Variants in SEPTIN9 observed in about 807,000 individuals in gnomAD.
SEPTIN9 encodes the protein septin 9.
SEPTIN9 carries 13 observed loss-of-function variants against 56.6 expected under a neutral mutation model. The observed-to-expected ratio is 0.23, with a 90% CI of 0.15 to 0.37. The LOEUF (loss-of-function observed/expected upper bound fraction) is 0.37, where lower values mean the gene tolerates loss of function less well. Among genes scored for constraint, SEPTIN9 ranks in the 10% least tolerant of loss-of-function variants. The pLI, the probability that SEPTIN9 is intolerant of heterozygous loss-of-function variation, is 1.00. For missense variants in SEPTIN9, 650 were observed against 823.1 expected (o/e 0.79, Z 2.57); for synonymous variants, 332 against 334.1 (o/e 0.99, Z 0.07).
chr17:77,466,329 G>C (rs547689622), intron 3 of SEPTIN9: 20 of 953,156 alleles, frequency 2.1e-5, no homozygotes, highest in Non-Finnish European at 2.4e-5. Flanking sequence ...GGTCAGGCCC[G>C]GGCCAGGCCC....
rs374020168 is a variant in SEPTIN9, at chr17:77,347,378, CAA to C, written c.76+40195_76+40196del. On this transcript the variant is annotated intron_variant, in intron 2 of 11. Transcript: ENST00000427177. Reference sequence around the variant, plus strand: ...GGGCAACAAGAGTGAAACTCCGTCTCAAAAAAAAAAAAAAAGAGTCTCCACCT... The same window carrying C: ...GGGCAACAAGAGTGAAACTCCGTCTCAAAAAAAAAAAAAGAGTCTCCACCT... Among the ~76,000 whole-genome samples the C allele has an allele frequency of 1.1e-3, 113 of 105,794 alleles. No individual in the cohort carries two copies. The East Asian group carries it at 0.026, about 25-fold the overall frequency. 69.4% of individuals were successfully genotyped at this position (105,794 alleles called of 152,430 possible).
intron 1 of SEPTIN9, among the ~76,000 whole-genome samples, chr17:77,282,622 A>T (rs567374790): frequency 6.6e-5 from 10 of 151,088 alleles, no homozygotes; most frequent in Admixed American, 1.3e-4. Context: ...ACCTTGTCTC[A>T]AAGAGGATTA....
intron 3 of SEPTIN9, among the ~76,000 whole-genome samples, chr17:77,439,519 C>T (rs1012529618): frequency 6.6e-6 from 1 of 152,190 alleles, no homozygotes; most frequent in Non-Finnish European, 1.5e-5. Context: ...TGGGCGTCCC[C>T]ACCTTGCCGC....
At chr17:77,370,305 A>G (rs1008235128) in intron 2 of SEPTIN9, among the ~76,000 whole-genome samples, 53 of 152,204 alleles carry the variant, frequency 3.5e-4, no homozygotes, top group Non-Finnish European at 6.5e-4. Context: ...TGGTGGCCCC[A>G]GGTGTTCCTT....
chr17:77,460,369 C>T (rs1375005118), intron 3 of SEPTIN9, among the ~76,000 whole-genome samples: 1 of 152,148 alleles, frequency 6.6e-6, no homozygotes, highest in Non-Finnish European at 1.5e-5. Context: ...CACCGTGGTG[C>T]TCCCCGAGGA....
In SEPTIN9 at chr17:77,425,027, G is replaced by T. The variant is rs528586959; in HGVS notation, c.721+22324G>T. On this transcript the variant is annotated intron_variant, in intron 3 of 11. Transcript: ENST00000427177. The surrounding 1 kb of genome is among the most constrained non-coding windows in gnomAD (Gnocchi z 4.2). ...GACTTACGCATAGTTGGGCGAAGTC[G>T]AGTGACCACATGTGGAAGTCTAGCG... 1.5e-4 allele frequency among the ~76,000 whole-genome samples: 23 copies of T among 152,326 alleles called. No homozygotes were observed. In the South Asian group the frequency reaches 4.3e-3, roughly 29 times the overall value.
chr17:77,497,173 G>T (rs933654864), intron 10 of SEPTIN9, 142 bp from the exon 11 acceptor site: 2 of 789,056 alleles, frequency 2.5e-6, no homozygotes, highest in African/African-American at 1.7e-5. Context: ...TGCAGAGCAG[G>T]TGGTTCCCCT....
intron 4 of SEPTIN9, among the ~76,000 whole-genome samples, chr17:77,484,384 T>G (rs2039585809): frequency 6.8e-6 from 1 of 146,920 alleles, no homozygotes; most frequent in African/African-American, 2.6e-5. Flanking sequence ...GGGATGGTGG[T>G]GGTGGTGATG....
At chr17:77,497,175 G>T in intron 10 of SEPTIN9, 140 bp from the exon 11 acceptor site, 1 of 801,428 alleles carries the variant, frequency 1.2e-6, no homozygotes, top group Non-Finnish European at 2.2e-6. Flanking sequence ...CAGAGCAGGT[G>T]GTTCCCCTGC....
At chr17:77,419,054 C>T (rs113493438) in intron 3 of SEPTIN9, among the ~76,000 whole-genome samples, 3 of 152,350 alleles carry the variant, frequency 2.0e-5, no homozygotes, top group African/African-American at 7.2e-5. Context: ...CTTCCTCTAG[C>T]AGCCTGCCCT....
At chr17:77,386,434 C>T (rs1236986094) in intron 2 of SEPTIN9, among the ~76,000 whole-genome samples, 1 of 152,180 alleles carries the variant, frequency 6.6e-6, no homozygotes, top group African/African-American at 2.4e-5. Context: ...GATTGGCAGG[C>T]CAGGCTCCCG....
chr17:77,419,519 G>A (rs573790880), intron 3 of SEPTIN9, among the ~76,000 whole-genome samples: 2 of 152,124 alleles, frequency 1.3e-5, no homozygotes, highest in Non-Finnish European at 2.9e-5. Flanking sequence ...CTGTACCTGC[G>A]ACCCAGCTGA....
rs376473706 is a variant in SEPTIN9, at chr17:77,402,455, A to G, written c.473A>G (p.Gln158Arg). The G allele has an allele frequency of 1.1e-5, 18 of 1,609,854 alleles. No individual in the cohort carries two copies. Among genetic ancestry groups the G allele is most frequent in the Non-Finnish European group, 1.4e-5 (17 of 1,178,528 alleles). Residue 158 changes from glutamine to arginine, a missense_variant, in exon 3 of 12, where the codon CAG (glutamine) becomes CGG (arginine). By Grantham distance (43) the Gln-to-Arg change is conservative (BLOSUM62 1). This residue lies in a region of SEPTIN9 where 317 missense variants were observed against 329.1 expected (regional missense o/e 0.96). Coordinates refer to ENST00000427177, the MANE Select transcript of SEPTIN9 (RefSeq NM_001113491.2). This position sits in a 1 kb window ranked among gnomAD's most constrained non-coding sequence, Gnocchi z 6.6. The part of the protein sequence containing the change: ...RRTEITIVKP[Q>R]ESAHRRMEPP... ...ACGGAGATCACCATCGTCAAACCCCAGGAGTCAGCCCACCGGAGGATGGAG... is the reference window on the plus strand; with the variant it reads ...ACGGAGATCACCATCGTCAAACCCCGGGAGTCAGCCCACCGGAGGATGGAG...
chr17:77,379,224 T>TGG (rs1192262950), intron 2 of SEPTIN9, among the ~76,000 whole-genome samples: 1 of 151,736 alleles, frequency 6.6e-6, no homozygotes, highest in African/African-American at 2.4e-5. Flanking sequence ...CCCATACCCC[T>TGG]ACACTGGGCC....
At chr17:77,478,055 G>C (rs2039298994) in intron 3 of SEPTIN9, among the ~76,000 whole-genome samples, 1 of 151,912 alleles carries the variant, frequency 6.6e-6, no homozygotes, top group African/African-American at 2.4e-5. Flanking sequence ...ACAAGCAGGA[G>C]TGTGAAATTT....
intron 3 of SEPTIN9, among the ~76,000 whole-genome samples, chr17:77,403,245 G>A (rs1183804657): frequency 6.6e-6 from 1 of 152,174 alleles, no homozygotes; most frequent in East Asian, 1.9e-4. Context: ...CCATGGTCTG[G>A]TCCTCCTCCC....
In SEPTIN9 at chr17:77,353,142, A is replaced by G. The variant is rs2034116607; in HGVS notation, c.76+45945A>G. On this transcript the variant is annotated intron_variant, in intron 2 of 11. Transcript: ENST00000427177. ...AACCCACAATGGGTCTCACCCACAG[A>G]ACGAACGGCCTCTCCAGGGTGTGCG... Among the ~76,000 whole-genome samples the G allele has an allele frequency of 3.9e-5, 6 of 152,280 alleles. 1 individual carries two copies. The South Asian group carries it at 1.2e-3, about 32-fold the overall frequency.
At chr17:77,480,351 C>G (rs2039405755) in intron 3 of SEPTIN9, among the ~76,000 whole-genome samples, 1 of 152,222 alleles carries the variant, frequency 6.6e-6, no homozygotes, top group Non-Finnish European at 1.5e-5. Flanking sequence ...GGGAGCCTCC[C>G]TCCGACACCC....
chr17:77,416,778 T>A (rs979620662), intron 3 of SEPTIN9, among the ~76,000 whole-genome samples: 7 of 152,232 alleles, frequency 4.6e-5, no homozygotes, highest in African/African-American at 1.7e-4. Flanking sequence ...GCAGAGCACC[T>A]GGATGGCCAG....
Sources: allele counts gnomAD v4.1 joint callset (sites outside exome capture counted in the v4.1 genomes callset), GRCh38; gene constraint gnomAD v4.1.1; regional missense constraint gnomAD v4.1.1; non-coding constraint Gnocchi (gnomAD v3.1); transcripts MANE v1.5; gene names NCBI Gene and HGNC (gene_info 2026-07-23, HGNC 2026-07-21).